CDK5RAP2: variants seen among roughly 807,000 people sequenced by gnomAD.
The protein encoded by CDK5RAP2 is CDK5 regulatory subunit associated protein 2, also known as CDK5 regulatory subunit-associated protein 2.
A neutral mutation model predicts 232.9 loss-of-function variants in CDK5RAP2; 147 were observed. The ratio of observed to expected loss-of-function variants is 0.63; its 90% CI spans 0.55 to 0.72. The LOEUF is 0.72. Among genes scored for constraint, CDK5RAP2 ranks in the 30% least tolerant of loss-of-function variants. The pLI is 0.00. For missense variants in CDK5RAP2, 2,195 were observed against 2,231.5 expected (o/e 0.98, Z 0.33); for synonymous variants, 833 against 833.7 (o/e 1.00, Z 0.01).
At chr9:120,533,175 A>T (rs553831650) in intron 7 of CDK5RAP2, among the ~76,000 whole-genome samples, 1 of 152,202 alleles carries the variant, frequency 6.6e-6, no homozygotes, top group Admixed American at 6.5e-5. Context: ...CAATCACGAC[A>T]TATATTTTTT....
rs115162555 is a variant in CDK5RAP2, at chr9:120,500,935, G to T, written c.1312-9458C>A. On this transcript the variant is annotated intron_variant, in intron 12 of 37. Coordinates refer to ENST00000349780, the MANE Select transcript of CDK5RAP2 (RefSeq NM_018249.6). ...AGAACGGGTACTGAGTGGAGTAAGG[G>T]GGGGCCTGGGAACTCCCATACCTGA... Among the ~76,000 whole-genome samples, 1,115 of 152,250 alleles carry T rather than the reference G, an allele frequency of 7.3e-3. 14 individuals are homozygous for T. Among genetic ancestry groups the T allele is most frequent in the African/African-American group, 0.025 (1,032 of 41,532 alleles).
At chr9:120,554,165 A>C (rs2042142612) in intron 3 of CDK5RAP2, among the ~76,000 whole-genome samples, 1 of 152,202 alleles carries the variant, frequency 6.6e-6, no homozygotes. Flanking sequence ...ACTATTTTTT[A>C]AAAGGGCAGG....
Position 120,527,704 on chromosome 9 carries a change from C to T in CDK5RAP2, c.999+102G>A. On this transcript the variant is annotated intron_variant, in intron 10 of 37. Coordinates refer to ENST00000349780, the MANE Select transcript of CDK5RAP2 (RefSeq NM_018249.6). The stretch of plus-strand genomic sequence containing the variant: ...TTCCCCACTTTCTATACTACCTCAG[C>T]TCTCTTATAAACTTTTTATCTGAAG... 2.3e-6 allele frequency: 3 copies of T among 1,332,348 alleles called. No individual in the cohort carries two copies. The South Asian group carries it at 3.7e-5, about 17-fold the overall frequency. The allele number at this position is 1,332,348 out of a possible 1,614,324, so 82.5% of individuals were successfully genotyped here.
intron 1 of CDK5RAP2, among the ~76,000 whole-genome samples, chr9:120,577,490 G>A (rs186564421): frequency 2.4e-4 from 37 of 152,282 alleles, no homozygotes; most frequent in Admixed American, 1.4e-3. Context: ...GGAGAGTTAC[G>A]AAGATAGATA....
At chr9:120,408,562 T>A in intron 30 of CDK5RAP2, 94 bp from the exon 31 acceptor site, 1 of 1,374,520 alleles carries the variant, frequency 7.3e-7, no homozygotes, top group Non-Finnish European at 1.0e-6. Context: ...CCACCCTCAG[T>A]CACAAGAGTG....
intron 1 of CDK5RAP2, among the ~76,000 whole-genome samples, chr9:120,572,553 A>C (rs2042891691): frequency 6.6e-6 from 1 of 152,248 alleles, no homozygotes; most frequent in African/African-American, 2.4e-5. Flanking sequence ...AGAATGTCAA[A>C]CAATGCAAAA....
chr9:120,397,558 A>G (rs28399137), intron 35 of CDK5RAP2, among the ~76,000 whole-genome samples: 7 of 141,170 alleles, frequency 5.0e-5, no homozygotes, highest in South Asian at 2.2e-4. Flanking sequence ...AAAAAAAAAA[A>G]AAAAAAAGAA....
At chr9:120,560,374 C>A (rs1478894809) in intron 3 of CDK5RAP2, among the ~76,000 whole-genome samples, 2 of 152,136 alleles carry the variant, frequency 1.3e-5, no homozygotes, top group African/African-American at 2.4e-5. Context: ...AACACCAAGG[C>A]ACTAAAGGGA....
intron 14 of CDK5RAP2, among the ~76,000 whole-genome samples, chr9:120,486,421 A>C (rs2038606107): frequency 6.8e-6 from 1 of 147,100 alleles, no homozygotes; most frequent in South Asian, 2.1e-4. Context: ...AAAAAAAAAA[A>C]AAAAAAAAAC....
chr9:120,575,560 TGAGACCA>T (rs1458326044), intron 1 of CDK5RAP2, among the ~76,000 whole-genome samples: 2 of 152,214 alleles, frequency 1.3e-5, no homozygotes, highest in Non-Finnish European at 2.9e-5. Context: ...GAGTCATGGA[TGAGACCA>T]GATATCACAT....
intron 12 of CDK5RAP2, among the ~76,000 whole-genome samples, chr9:120,507,639 A>T (rs1302710798): frequency 2.0e-5 from 3 of 152,062 alleles, no homozygotes; most frequent in African/African-American, 7.2e-5. Flanking sequence ...ATCCTAAGGA[A>T]TCTGCAGAGC....
intron 31 of CDK5RAP2, chr9:120,408,000 C>T (rs2033593914): frequency 3.0e-6 from 1 of 332,886 alleles, no homozygotes; most frequent in African/African-American, 2.1e-5. Flanking sequence ...TGGTCTCATT[C>T]AATTTTCAAC....
At chr9:120,539,423 ATT>A (rs1286410773) in intron 5 of CDK5RAP2, among the ~76,000 whole-genome samples, 1 of 152,250 alleles carries the variant, frequency 6.6e-6, no homozygotes, top group Non-Finnish European at 1.5e-5. Flanking sequence ...AAAAAGAATC[ATT>A]TAGTACACAT....
chr9:120,529,741 T>C (rs1051388499), intron 8 of CDK5RAP2, among the ~76,000 whole-genome samples: 13 of 152,028 alleles, frequency 8.6e-5, no homozygotes, highest in African/African-American at 2.9e-4. Context: ...AAAACAGAGG[T>C]AAGCAGGTAG....
intron 12 of CDK5RAP2, among the ~76,000 whole-genome samples, chr9:120,507,541 A>G (rs2039870445): frequency 1.3e-5 from 2 of 152,114 alleles, no homozygotes; most frequent in Admixed American, 6.5e-5. Flanking sequence ...CTCTAACTAC[A>G]TGTTCTTGGG....
At chr9:120,506,455 A>G (rs1417962247) in intron 12 of CDK5RAP2, among the ~76,000 whole-genome samples, 2 of 152,260 alleles carry the variant, frequency 1.3e-5, no homozygotes, top group Non-Finnish European at 2.9e-5. Context: ...CAGATCAAGG[A>G]GTAATTTTAA....
intron 3 of CDK5RAP2, among the ~76,000 whole-genome samples, 200 bp from the exon 4 acceptor site, chr9:120,551,102 G>A (rs1454295304): frequency 6.6e-6 from 1 of 152,146 alleles, no homozygotes; most frequent in Non-Finnish European, 1.5e-5. Flanking sequence ...AGTACAATTT[G>A]AGCATTAAAA....
chr9:120,464,959 C>A (rs1202237884), intron 18 of CDK5RAP2, among the ~76,000 whole-genome samples: 1 of 152,172 alleles, frequency 6.6e-6, no homozygotes, highest in African/African-American at 2.4e-5. Context: ...CAAGCACCTT[C>A]TACTTCTGAC....
rs1323058589 is a variant in CDK5RAP2, at chr9:120,408,384, C to A, written c.4689G>T (p.Ala1563=). Residue 1563 remains alanine, a synonymous_variant, in exon 31 of 38, where the codon GCG becomes GCT. Coordinates refer to ENST00000349780, the MANE Select transcript of CDK5RAP2 (RefSeq NM_018249.6). ...TGTGCTCTTCATCCAGCTTCTCATA[C>A]GCCTTCAGCTCCACTCGGAGAGACT... ...LLQSLRVELK[A]YEKLDEEHRR... is the part of the protein sequence containing the mutation. 1.2e-6 allele frequency: 2 copies of A among 1,614,130 alleles called. No homozygotes were observed. The highest frequency in any genetic ancestry group is 1.7e-6 in the Non-Finnish European group (2 of 1,180,018).
Sources: allele counts gnomAD v4.1 joint callset (sites outside exome capture counted in the v4.1 genomes callset), GRCh38; gene constraint gnomAD v4.1.1; transcripts MANE v1.5; gene names NCBI Gene and HGNC (gene_info 2026-07-23, HGNC 2026-07-21).